MED13: variants seen among roughly 807,000 people sequenced by gnomAD.
MED13 encodes mediator complex subunit 13.
MED13 carries 23 observed loss-of-function variants against 225.2 expected under a neutral mutation model. That is an observed-to-expected ratio of 0.10 (90% CI 0.07 to 0.14). MED13 has a LOEUF of 0.14. Ranked by LOEUF, MED13 falls within the 10% of genes least tolerant of loss-of-function variation. MED13 has a pLI of 1.00. For missense variants in MED13, 2,197 were observed against 2,594.5 expected (o/e 0.85, Z 3.33); for synonymous variants, 942 against 889.2 (o/e 1.06, Z -1.06).
intron 3 of MED13, among the ~76,000 whole-genome samples, chr17:62,037,945 G>A: frequency 1.0e-5 from 1 of 96,638 alleles, no homozygotes; most frequent in East Asian, 3.4e-4. Flanking sequence ...AACAGAGTGA[G>A]ACTTCATCTC....
chr17:62,031,690 A>AAC, intron 5 of MED13, 52 bp from the exon 6 acceptor site: 8 of 1,268,554 alleles, frequency 6.3e-6, no homozygotes, highest in Non-Finnish European at 8.4e-6. Flanking sequence ...TGACTAGTGA[A>AAC]TTAGTTTCAC....
intron 28 of MED13, among the ~76,000 whole-genome samples, chr17:61,948,833 T>A (rs890350319): frequency 6.6e-6 from 1 of 151,026 alleles, no homozygotes; most frequent in Non-Finnish European, 1.5e-5. Flanking sequence ...ACGCCTGTAA[T>A]CCCAGCACTT....
intron 24 of MED13, among the ~76,000 whole-genome samples, 170 bp downstream of exon 24, chr17:61,956,169 G>A (rs908243112): frequency 2.6e-5 from 4 of 152,188 alleles, no homozygotes; most frequent in Non-Finnish European, 5.9e-5. Context: ...TAAAATAAGA[G>A]TAAAATGTCT....
chr17:62,048,938 T>C (rs1172340330), intron 3 of MED13, among the ~76,000 whole-genome samples: 1 of 151,756 alleles, frequency 6.6e-6, no homozygotes, highest in Non-Finnish European at 1.5e-5. Flanking sequence ...ATTATAAGGA[T>C]AGAAAAGAAA....
At chr17:61,985,112 T>A in intron 12 of MED13, 22 bp from the exon 13 acceptor site, 1 of 1,592,238 alleles carries the variant, frequency 6.3e-7, no homozygotes, top group Non-Finnish European at 8.6e-7. Context: ...AAGCACATAT[T>A]TATCTAAAAT....
At chr17:61,948,761 AAC>A (rs10573289) in intron 28 of MED13, among the ~76,000 whole-genome samples, 1,835 of 151,710 alleles carry the variant, frequency 0.012, 36 homozygotes, top group African/African-American at 0.041. Flanking sequence ...GTGGATTAAA[AAC>A]AGTCAACTTC....
chr17:62,055,542 G>A (rs1305111452), intron 2 of MED13, among the ~76,000 whole-genome samples: 2 of 151,870 alleles, frequency 1.3e-5, no homozygotes, highest in Non-Finnish European at 2.9e-5. Context: ...TTAATGTGAG[G>A]CCATGTGCGG....
intron 11 of MED13, 29 bp downstream of exon 11, chr17:61,992,511 A>G (rs753757961): frequency 3.4e-5 from 49 of 1,423,814 alleles, no homozygotes; most frequent in Admixed American, 1.3e-4. Context: ...CTGGAATGCA[A>G]TATTTTCATT....
intron 9 of MED13, among the ~76,000 whole-genome samples, chr17:62,010,078 T>C (rs2077826095): frequency 6.6e-6 from 1 of 151,888 alleles, no homozygotes. Context: ...AAAAATTAGC[T>C]GGGTGTGGTG....
At chr17:62,057,505 A>G (rs1342145938) in intron 2 of MED13, among the ~76,000 whole-genome samples, 1 of 152,180 alleles carries the variant, frequency 6.6e-6, no homozygotes, top group South Asian at 2.1e-4. Flanking sequence ...AAATTTTACA[A>G]TAGTAGAAAT....
chr17:61,986,159 T>C (rs2143476593), intron 12 of MED13, among the ~76,000 whole-genome samples: 1 of 152,292 alleles, frequency 6.6e-6, no homozygotes, highest in Admixed American at 6.5e-5. Flanking sequence ...CATTCAAGGA[T>C]ATAGTTGCCT....
At chr17:62,064,957 C>T (rs2081069622) in intron 1 of MED13, among the ~76,000 whole-genome samples, 183 bp downstream of exon 1, 1 of 152,210 alleles carries the variant, frequency 6.6e-6, no homozygotes, top group Non-Finnish European at 1.5e-5. Context: ...AAACAGAGCC[C>T]GGGACCGTAG....
At chr17:61,986,570 C>T (rs964603864) in intron 12 of MED13, among the ~76,000 whole-genome samples, 1 of 151,980 alleles carries the variant, frequency 6.6e-6, no homozygotes, top group Non-Finnish European at 1.5e-5. Flanking sequence ...AGCTGTGATG[C>T]AAAACAAATT....
intron 8 of MED13, among the ~76,000 whole-genome samples, chr17:62,012,633 A>C (rs1217451323): frequency 6.6e-6 from 1 of 151,988 alleles, no homozygotes; most frequent in East Asian, 1.9e-4. Context: ...CCTGGCCAAG[A>C]AACTTTTAAA....
At chr17:61,952,715 C>A (rs1262912888) in intron 27 of MED13, among the ~76,000 whole-genome samples, 1 of 152,206 alleles carries the variant, frequency 6.6e-6, no homozygotes, top group East Asian at 1.9e-4. Context: ...CGGCTCACTA[C>A]AACCTCTGCC....
chr17:61,978,235 C>T (rs2080173425), intron 16 of MED13, among the ~76,000 whole-genome samples: 2 of 151,640 alleles, frequency 1.3e-5, no homozygotes, highest in Admixed American at 1.3e-4. Context: ...ATTGCAACCT[C>T]CAAAACTGCT....
At chr17:61,968,472 C>T (rs184251221) in intron 17 of MED13, among the ~76,000 whole-genome samples, 266 of 152,232 alleles carry the variant, frequency 1.7e-3, no homozygotes, top group African/African-American at 6.0e-3. Flanking sequence ...ACTGCAAGTG[C>T]CTGCCACCAC....
chr17:62,034,486 CAAAA>C (rs11291859), intron 4 of MED13, among the ~76,000 whole-genome samples: 1 of 96,354 alleles, frequency 1.0e-5, no homozygotes, highest in Non-Finnish European at 2.2e-5. Flanking sequence ...GACTTCATCT[CAAAA>C]AAAAAAAAAA....
intron 9 of MED13, chr17:62,006,864 T>G (rs1398586823): frequency 6.6e-6 from 1 of 151,796 alleles, no homozygotes; most frequent in African/African-American, 2.4e-5. Flanking sequence ...GAGGTGGAGG[T>G]TGCAGTGAGC....
Sources: gnomAD v4.1 joint callset for allele counts (sites outside exome capture counted in the v4.1 genomes callset) on GRCh38, gnomAD v4.1.1 for gene constraint, MANE v1.5 for transcripts, NCBI Gene and HGNC (gene_info 2026-07-23, HGNC 2026-07-21) for gene names.